Variants in IPO5 observed in about 807,000 individuals in gnomAD.
IPO5 encodes importin 5.
In IPO5, 18 loss-of-function variants were observed where a neutral mutation model predicts 143.3. The observed-to-expected ratio is 0.13, with a 90% CI of 0.09 to 0.19. The LOEUF (loss-of-function observed/expected upper bound fraction) is 0.19, where lower values mean the gene tolerates loss of function less well. Among genes scored for constraint, IPO5 ranks in the 10% least tolerant of loss-of-function variants. The pLI, the probability that IPO5 is intolerant of heterozygous loss-of-function variation, is 1.00. For synonymous variants in IPO5, 477 were observed against 465.7 expected, an observed-to-expected ratio of 1.02 and a Z score of -0.31; for missense variants, 1,013 against 1,336.9, an observed-to-expected ratio of 0.76 and a Z score of 3.78.
At chr13:97,953,878 A>T (rs1884279187) in intron 1 of IPO5, 162 bp downstream of exon 1, 1 of 455,568 alleles carries the variant, frequency 2.2e-6, no homozygotes, top group Non-Finnish European at 4.4e-6. Context: ...ACCCAAGAGG[A>T]AGGAAACGTC....
At chr13:98,010,701 T>C (rs1889628319) in intron 20 of IPO5, among the ~76,000 whole-genome samples, 4 of 151,828 alleles carry the variant, frequency 2.6e-5, no homozygotes, top group Admixed American at 1.3e-4. Flanking sequence ...ATGGTGTTTG[T>C]GGTGTGCATA....
chr13:98,022,478 T>A lies in IPO5; in HGVS notation c.*656T>A, dbSNP rs1230930746. On this transcript the variant is annotated 3_prime_UTR_variant, in exon 29 of 29. Transcript: ENST00000651721. Reference sequence around the variant, plus strand: ...TCACTCCTCAATAAACAACATTGAATACAAAAGAGGCTTGTGTAAAAACTC... The same window carrying A: ...TCACTCCTCAATAAACAACATTGAAAACAAAAGAGGCTTGTGTAAAAACTC... The A allele has an allele frequency of 2.0e-5, 3 of 152,658 alleles. No homozygotes were observed. Among genetic ancestry groups the A allele is most frequent in the African/African-American group, 4.8e-5 (2 of 41,466 alleles). 9.5% of individuals were successfully genotyped at this position (152,658 alleles called of 1,614,324 possible). A position where few individuals can be genotyped will look rare whatever the true frequency, so the allele number is the denominator to read the frequency against.
intron 16 of IPO5, 43 bp from the exon 17 acceptor site, chr13:98,006,087 T>A (rs767709807): frequency 1.4e-5 from 19 of 1,327,974 alleles, no homozygotes; most frequent in Non-Finnish European, 1.8e-5. Flanking sequence ...TAAATACTTC[T>A]TCCAGTTTTC....
intron 3 of IPO5, 33 bp from the exon 4 acceptor site, chr13:97,976,660 T>A: frequency 9.1e-7 from 1 of 1,097,292 alleles, no homozygotes; most frequent in Non-Finnish European, 1.2e-6. Context: ...TCACGGCTCC[T>A]GTCTCCCCTC....
At chr13:97,973,640 G>T (rs1041770782) in intron 3 of IPO5, among the ~76,000 whole-genome samples, 2 of 152,128 alleles carry the variant, frequency 1.3e-5, no homozygotes, top group Non-Finnish European at 2.9e-5. Context: ...CTTCCCTTTT[G>T]ATTGGATATT....
chr13:97,965,492 CTG>C (rs1037049378), intron 2 of IPO5, among the ~76,000 whole-genome samples: 1 of 152,146 alleles, frequency 6.6e-6, no homozygotes, highest in African/African-American at 2.4e-5. Context: ...TGCGTATAGA[CTG>C]TGTTTCCATT....
At chr13:98,016,944 G>A (rs1890155147) in intron 25 of IPO5, 93 bp downstream of exon 25, 4 of 931,330 alleles carry the variant, frequency 4.3e-6, no homozygotes, top group Admixed American at 5.9e-5. Flanking sequence ...GTTAAAATGG[G>A]TCTCAGAAAT....
intron 13 of IPO5, chr13:98,000,910 CTCT>C: frequency 2.3e-6 from 1 of 439,952 alleles, no homozygotes; most frequent in Non-Finnish European, 4.1e-6. Context: ...GAATCATATA[CTCT>C]TCTTTCACCC....
intron 3 of IPO5, among the ~76,000 whole-genome samples, chr13:97,970,799 T>G (rs1412282780): frequency 6.6e-6 from 1 of 152,172 alleles, no homozygotes; most frequent in Non-Finnish European, 1.5e-5. Flanking sequence ...ACCACAATTA[T>G]GATGCATTCC....
intron 11 of IPO5, among the ~76,000 whole-genome samples, chr13:97,995,947 C>T (rs996590657): frequency 3.3e-5 from 5 of 151,922 alleles, no homozygotes; most frequent in East Asian, 1.9e-4. Flanking sequence ...TTGGCAAATG[C>T]GAAAACAATT....
chr13:98,000,199 A>G (rs1176803962), intron 12 of IPO5, among the ~76,000 whole-genome samples: 2 of 151,972 alleles, frequency 1.3e-5, no homozygotes, highest in Admixed American at 6.6e-5. Context: ...GTAGGAGAAT[A>G]GCATGAAGCT....
At chr13:97,954,650 C>T (rs140978195) in intron 2 of IPO5, among the ~76,000 whole-genome samples, 371 of 152,288 alleles carry the variant, frequency 2.4e-3, no homozygotes, top group African/African-American at 8.7e-3. Context: ...ACTTAAGGAA[C>T]CACCTGGTTA....
intron 12 of IPO5, among the ~76,000 whole-genome samples, chr13:98,000,100 T>C (rs1320298182): frequency 6.6e-6 from 1 of 152,070 alleles, no homozygotes; most frequent in Non-Finnish European, 1.5e-5. Flanking sequence ...CTGGCTAACA[T>C]GGTGAAACCC....
chr13:97,961,181 T>C (rs1251930855), intron 2 of IPO5, among the ~76,000 whole-genome samples: 1 of 152,254 alleles, frequency 6.6e-6, no homozygotes, highest in African/African-American at 2.4e-5. Context: ...TGCGAAGTAA[T>C]ATTTCCTTGT....
intron 25 of IPO5, 107 bp downstream of exon 25, chr13:98,016,958 T>A: frequency 1.3e-6 from 1 of 789,490 alleles, no homozygotes; most frequent in Non-Finnish European, 1.9e-6. Context: ...CAGAAATGAT[T>A]GTTTCCATTG....
chr13:97,990,358 A>G, intron 8 of IPO5, 75 bp from the exon 9 acceptor site: 4 of 1,242,794 alleles, frequency 3.2e-6, no homozygotes, highest in Non-Finnish European at 4.6e-6. Context: ...GAATAATTTG[A>G]TCTTGAGTAA....
intron 20 of IPO5, among the ~76,000 whole-genome samples, chr13:98,011,531 C>CTACCAGCCTCAG (rs1555311226): frequency 6.6e-6 from 1 of 151,106 alleles, no homozygotes; most frequent in Non-Finnish European, 1.5e-5. Flanking sequence ...ACCTCGTGAT[C>CTACCAGCCTCAG]CGTCTAACTC....
In IPO5 at chr13:98,010,012, T is replaced by C. The variant is rs1433838101; in HGVS notation, c.1932T>C (p.Asp644=). 2.5e-6 allele frequency: 4 copies of C among 1,614,082 alleles called. No homozygotes were observed. The highest frequency in any genetic ancestry group is 3.4e-6 in the Non-Finnish European group (4 of 1,179,972). Residue 644 remains aspartate (D), a splice_region_variant and synonymous_variant, in exon 19 of 29, where the codon GAT becomes GAC. Coordinates refer to ENST00000651721, the MANE Select transcript of IPO5 (RefSeq NM_002271.6). The stretch of plus-strand genomic sequence containing the variant: ...TTAAGCCCGAAGTAGCCCTTTTAGA[T>C]AGTAGGTGTCTTTAGAAGGAGCTAT... The part of the protein sequence containing the change: ...ASIKPEVALL[D]TQDMENMSDD...
At chr13:97,955,870 G>A (rs1884418893) in intron 2 of IPO5, among the ~76,000 whole-genome samples, 1 of 152,182 alleles carries the variant, frequency 6.6e-6, no homozygotes. Flanking sequence ...AGTGGCTCAT[G>A]CCTGTAATCC....
Sources: allele counts gnomAD v4.1 joint callset (sites outside exome capture counted in the v4.1 genomes callset), GRCh38; gene constraint gnomAD v4.1.1; transcripts MANE v1.5; gene names NCBI Gene and HGNC (gene_info 2026-07-23, HGNC 2026-07-21).